Variants in ANO2 observed in about 807,000 individuals in gnomAD.
ANO2 encodes the protein anoctamin 2.
In ANO2, 101 loss-of-function variants were observed where a neutral mutation model predicts 124.2. The ratio of observed to expected loss-of-function variants is 0.81; its 90% CI spans 0.69 to 0.96. The LOEUF is 0.96. ANO2 is among the 40% of genes least tolerant of loss of function. ANO2 has a pLI of 0.00. For synonymous variants in ANO2, 486 were observed against 482.5 expected, an observed-to-expected ratio of 1.01 and a Z score of -0.09; for missense variants, 1,293 against 1,274.5, an observed-to-expected ratio of 1.01 and a Z score of -0.22.
chr12:5,633,872 G>T (rs557032659), intron 16 of ANO2, among the ~76,000 whole-genome samples: 2 of 152,090 alleles, frequency 1.3e-5, no homozygotes, highest in African/African-American at 4.8e-5. Flanking sequence ...TTCTCACTTG[G>T]TTTCCTTTGC....
At chr12:5,781,667 A>G (rs914626354) in intron 10 of ANO2, among the ~76,000 whole-genome samples, 3 of 152,212 alleles carry the variant, frequency 2.0e-5, no homozygotes, top group Non-Finnish European at 4.4e-5. Flanking sequence ...GTCAAAAAAG[A>G]ATTGTACATA....
intron 15 of ANO2, among the ~76,000 whole-genome samples, chr12:5,640,093 G>A (rs1018601602): frequency 3.3e-5 from 5 of 152,132 alleles, no homozygotes; most frequent in Admixed American, 6.5e-5. Flanking sequence ...GAGGAAATTC[G>A]TCTTTGTCCA....
intron 14 of ANO2, among the ~76,000 whole-genome samples, chr12:5,656,044 G>T (rs866346186): frequency 2.1e-4 from 32 of 152,226 alleles, no homozygotes; most frequent in African/African-American, 7.0e-4. Flanking sequence ...AATTTCAAGG[G>T]AATAGTGGGA....
chr12:5,877,740 G>T (rs544098886), intron 3 of ANO2, among the ~76,000 whole-genome samples: 2 of 152,326 alleles, frequency 1.3e-5, no homozygotes, highest in South Asian at 2.1e-4. Context: ...GGGGTGGGGG[G>T]ATCAGGATGA....
At position 5,713,664 on chromosome 12, in the gene ANO2, G is replaced by A. The variant is rs909034849; in HGVS notation, c.1545+18856C>T. Among the ~76,000 whole-genome samples, 10 of 152,194 alleles carry A rather than the reference G, an allele frequency of 6.6e-5. No individual in the cohort carries two copies. In the South Asian group the frequency reaches 2.1e-3, roughly 32 times the overall value. ...ACGATGACACACGGTGGGCTCTGGG[G>A]AACTGGGAACTCCTGGCTTGTTTAT... On this transcript the variant is annotated intron_variant, in intron 14 of 24. Coordinates refer to ENST00000682330, the MANE Select transcript of ANO2 (RefSeq NM_001364791.2).
chr12:5,834,187 G>A (rs1386783363), intron 4 of ANO2, among the ~76,000 whole-genome samples: 1 of 152,192 alleles, frequency 6.6e-6, no homozygotes, highest in African/African-American at 2.4e-5. Flanking sequence ...AAAAAATCAT[G>A]AGATAAAATG....
intron 3 of ANO2, among the ~76,000 whole-genome samples, chr12:5,865,526 C>T (rs1283105005): frequency 6.6e-6 from 1 of 151,448 alleles, no homozygotes; most frequent in Admixed American, 6.6e-5. Flanking sequence ...CACCATCATA[C>T]ATTCACACCA....
intron 15 of ANO2, among the ~76,000 whole-genome samples, chr12:5,643,156 C>T (rs896240073): frequency 2.0e-4 from 31 of 152,268 alleles, no homozygotes; most frequent in Admixed American, 1.6e-3. Flanking sequence ...CCTTCTCCCC[C>T]GTACACATAC....
chr12:5,585,184 A>C (rs1943044374), intron 20 of ANO2, among the ~76,000 whole-genome samples: 1 of 151,926 alleles, frequency 6.6e-6, no homozygotes, highest in Admixed American at 6.6e-5. Flanking sequence ...ACGCATAAGA[A>C]AATTTGCTAT....
chr12:5,753,085 G>C (rs1352175591), intron 10 of ANO2, among the ~76,000 whole-genome samples: 1 of 152,136 alleles, frequency 6.6e-6, no homozygotes, highest in Non-Finnish European at 1.5e-5. Flanking sequence ...ATTTTGCTAA[G>C]GTTAAGGACA....
At chr12:5,878,743 G>A (rs1022449602) in intron 3 of ANO2, among the ~76,000 whole-genome samples, 1 of 152,160 alleles carries the variant, frequency 6.6e-6, no homozygotes, top group Admixed American at 6.5e-5. Context: ...ATTTTATGTG[G>A]CCATACAAAC....
intron 3 of ANO2, among the ~76,000 whole-genome samples, chr12:5,889,001 C>G (rs1939186668): frequency 6.6e-6 from 1 of 152,254 alleles, no homozygotes; most frequent in Admixed American, 6.5e-5. Context: ...TGGGGAGGCT[C>G]AGGCATGGCA....
At chr12:5,582,143 C>T (rs902327187) in intron 20 of ANO2, among the ~76,000 whole-genome samples, 5 of 152,184 alleles carry the variant, frequency 3.3e-5, no homozygotes, top group African/African-American at 4.8e-5. Flanking sequence ...AGAGCAACAC[C>T]GGAAATCCTC....
At chr12:5,853,209 C>G (rs185249946) in intron 4 of ANO2, among the ~76,000 whole-genome samples, 2 of 142,434 alleles carry the variant, frequency 1.4e-5, no homozygotes, top group African/African-American at 2.5e-5. Flanking sequence ...GCTATGTTGC[C>G]CAGGCTGGTC....
At chr12:5,666,163 A>G (rs1947705058) in intron 14 of ANO2, among the ~76,000 whole-genome samples, 1 of 152,194 alleles carries the variant, frequency 6.6e-6, no homozygotes, top group Admixed American at 6.5e-5. Context: ...GAAACAGAAT[A>G]GTGAAGGTTG....
chr12:5,627,439 C>T (rs947995774), intron 16 of ANO2, among the ~76,000 whole-genome samples: 1 of 152,214 alleles, frequency 6.6e-6, no homozygotes, highest in Non-Finnish European at 1.5e-5. Context: ...GAGGCATAGG[C>T]CCCATTCCCC....
rs139625373 is a variant in ANO2, at chr12:5,573,931, G to A, written c.2621+1903C>T. 1.1e-3 allele frequency among the ~76,000 whole-genome samples: 161 copies of A among 152,310 alleles called. 1 individual carries two copies. In the East Asian group the frequency reaches 0.015, roughly 14 times the overall value. On this transcript the variant is annotated intron_variant, in intron 23 of 24. Coordinates refer to ENST00000682330, the MANE Select transcript of ANO2 (RefSeq NM_001364791.2). The stretch of plus-strand genomic sequence containing the variant: ...TGGGAAAACCAATTGGTGTTCTCTC[G>A]TTCATGGTCTCAGACCACAAATCTG...
intron 20 of ANO2, among the ~76,000 whole-genome samples, chr12:5,594,358 T>C (rs151277968): frequency 7.8e-4 from 119 of 152,330 alleles, no homozygotes; most frequent in African/African-American, 2.8e-3. Context: ...ATCCCTCCTC[T>C]GCACTTGCTG....
At chr12:5,824,520 C>G (rs1033516028) in intron 7 of ANO2, among the ~76,000 whole-genome samples, 6 of 152,134 alleles carry the variant, frequency 3.9e-5, no homozygotes, top group African/African-American at 1.4e-4. Context: ...CATCTGAGAC[C>G]ACCTCAGCCT....
Sources: gnomAD v4.1 joint callset for allele counts (sites outside exome capture counted in the v4.1 genomes callset) on GRCh38, gnomAD v4.1.1 for gene constraint, MANE v1.5 for transcripts, NCBI Gene and HGNC (gene_info 2026-07-23, HGNC 2026-07-21) for gene names.